Variants in TSLP observed in about 807,000 individuals in gnomAD.
The protein encoded by TSLP is thymic stroma-derived lymphopoietin.
In TSLP, 12 loss-of-function variants were observed where a neutral mutation model predicts 12.4. That is an observed-to-expected ratio of 0.97 (90% CI 0.62 to 1.57). The LOEUF is 1.57. TSLP is among the 40% of genes most tolerant of loss of function. TSLP has a pLI of 0.00. For missense variants in TSLP, 222 were observed against 189.6 expected, an observed-to-expected ratio of 1.17 and a Z score of -1.00; for synonymous variants, 97 against 69.5, an observed-to-expected ratio of 1.40 and a Z score of -1.97.
chr5:111,075,485 T>G (rs936958904), intron 3 of TSLP, among the ~76,000 whole-genome samples: 1 of 152,230 alleles, frequency 6.6e-6, no homozygotes, highest in Non-Finnish European at 1.5e-5. Context: ...AAGATAGCTC[T>G]TGCCCATGAG....
At chr5:111,071,040 C>T (rs952990529), upstream of TSLP, 15 of 161,020 alleles carry the variant, frequency 9.3e-5, no homozygotes, top group Non-Finnish European at 1.4e-4. Context: ...TAAGGTGCCC[C>T]TAGCCACCAA....
chr5:111,075,223 TTTTTAAG>T (rs1752466271), intron 3 of TSLP, among the ~76,000 whole-genome samples: 1 of 152,222 alleles, frequency 6.6e-6, no homozygotes, highest in Non-Finnish European at 1.5e-5. Context: ...TTTGCAGGTT[TTTTTAAG>T]ATTTGTGCTT....
chr5:111,071,530 C>A, upstream of TSLP: 1 of 1,547,696 alleles, frequency 6.5e-7, no homozygotes, highest in Non-Finnish European at 8.7e-7. Flanking sequence ...GAGGGAAATT[C>A]CTGATGACTT....
rs1458137142 is a variant in TSLP at position 111,076,383 on chromosome 5, C to T, written c.*309C>T. The T allele has an allele frequency of 3.8e-6, 1 of 264,156 alleles. No individual in the cohort carries two copies. Among genetic ancestry groups the T allele is most frequent in the East Asian group, 1.1e-4 (1 of 9,334 alleles). The allele number at this position is 264,156 out of a possible 1,614,324, so 16.4% of individuals were successfully genotyped here. A position where few individuals can be genotyped will look rare whatever the true frequency, so the allele number is the denominator to read the frequency against. ...AAAAGTGCAGCAGGAGAACTCTTTT[C>T]CCTGAAAAAGGAAAAATATTGAACT... On this transcript the variant is annotated 3_prime_UTR_variant, in exon 4 of 4. Coordinates refer to ENST00000344895, the MANE Select transcript of TSLP (RefSeq NM_033035.5).
At chr5:111,070,457 G>C (rs1012048797), upstream of TSLP, 1 of 152,762 alleles carries the variant, frequency 6.5e-6, no homozygotes, top group East Asian at 1.9e-4. Flanking sequence ...GGAAGGGAAA[G>C]AGAGAGAGAG....
At chr5:111,074,193 C>T (rs1456846461) in intron 3 of TSLP, among the ~76,000 whole-genome samples, 4 of 152,132 alleles carry the variant, frequency 2.6e-5, no homozygotes, top group Non-Finnish European at 5.9e-5. Context: ...CACATTTTTG[C>T]ACATGTAGTT....
chr5:111,073,024 G>A (rs997311366), intron 2 of TSLP, 92 bp downstream of exon 2: 7 of 1,484,904 alleles, frequency 4.7e-6, no homozygotes, highest in Non-Finnish European at 6.5e-6. Context: ...AACTCCGAGA[G>A]GTGCCTGGGC....
At position 111,073,607 on chromosome 5, in the gene TSLP, G is replaced by T; in HGVS notation, c.313G>T (p.Ala105Ser). The T allele has an allele frequency of 6.2e-7, 1 of 1,614,220 alleles. No homozygotes were observed. Among genetic ancestry groups the T allele is most frequent in the South Asian group, 1.1e-5 (1 of 91,086 alleles). The change falls in exon 3 of 4, where the codon GCC becomes TCC. Residue 105 changes from alanine to serine, a missense_variant. Physicochemically the swap from Ala to Ser is moderately conservative, Grantham distance 99 (BLOSUM62 1). Transcript: ENST00000344895. Reference protein sequence around the residue: ...KEMFAMKTKAALAIWCPGYSE... With the variant: ...KEMFAMKTKASLAIWCPGYSE... ...AATGTTCGCCATGAAAACTAAGGCT[G>T]CCTTAGCTATCTGGTGCCCAGGCTA...
intron 3 of TSLP, among the ~76,000 whole-genome samples, chr5:111,074,843 T>G (rs957012418): frequency 3.3e-5 from 5 of 151,908 alleles, no homozygotes; most frequent in African/African-American, 1.2e-4. Context: ...TGGTCTCGAA[T>G]TCCTGACCTT....
chr5:111,071,750 A>G lies in TSLP; in HGVS notation c.-141A>G. 1 of 1,253,260 alleles carries G rather than the reference A, an allele frequency of 8.0e-7. No homozygotes were observed. The highest frequency in any genetic ancestry group is 1.1e-6 in the Non-Finnish European group (1 of 898,170). 77.6% of individuals were successfully genotyped at this position (1,253,260 alleles called of 1,614,324 possible). ...CCAACTTAAGGCAACAGCATGGGTG[A>G]ATAAGGGCTTCCTGTGGACTGGCAA... On this transcript the variant is annotated 5_prime_UTR_variant, in exon 1 of 4. Transcript: ENST00000344895.
At chr5:111,070,767 CAG>C (rs1480930653), upstream of TSLP, 1 of 152,334 alleles carries the variant, frequency 6.6e-6, no homozygotes, top group East Asian at 1.9e-4. Flanking sequence ...CCCCAGGTGA[CAG>C]ACGTTTTCCA....
At position 111,072,060 on chromosome 5, in the gene TSLP, G is replaced by C; in HGVS notation, c.170G>C (p.Gly57Ala). The C allele has an allele frequency of 6.2e-7, 1 of 1,604,436 alleles. No homozygotes were observed. Among genetic ancestry groups the C allele is most frequent in the Non-Finnish European group, 8.5e-7 (1 of 1,173,226 alleles). The stretch of plus-strand genomic sequence containing the variant: ...AAAGACCTGATTACATATATGAGTG[G>C]GGTAAGTGAAGAAGCTTTTTTAAAA... Reference protein sequence around the residue: ...ISKDLITYMSGTKSTEFNNTV... With the variant: ...ISKDLITYMSATKSTEFNNTV... The change falls in exon 1 of 4, where the codon GGG (glycine) becomes GCG (alanine). Residue 57 changes from glycine (G) to alanine (A), a missense_variant and splice_region_variant. Physicochemically the swap from Gly to Ala is moderately conservative, Grantham distance 60 (BLOSUM62 0). Transcript: ENST00000344895.
At chr5:111,071,136 A>C, upstream of TSLP, 1 of 263,398 alleles carries the variant, frequency 3.8e-6, no homozygotes, top group Non-Finnish European at 7.1e-6. Flanking sequence ...TTCCCCACTT[A>C]TTTCAACCTC....
In TSLP at chr5:111,076,446, A is replaced by T. The variant is rs977531857; in HGVS notation, c.*372A>T. Reference sequence around the variant, plus strand: ...CTAAACTTACATTTAAAAGACAGACATTCCTTCTACATGTAATGACACTTC... The same window carrying T: ...CTAAACTTACATTTAAAAGACAGACTTTCCTTCTACATGTAATGACACTTC... On this transcript the variant is annotated 3_prime_UTR_variant, in exon 4 of 4. Coordinates refer to ENST00000344895, the MANE Select transcript of TSLP (RefSeq NM_033035.5). 2 of 178,308 alleles carry T rather than the reference A, an allele frequency of 1.1e-5. No homozygotes were observed. Among genetic ancestry groups the T allele is most frequent in the African/African-American group, 4.8e-5 (2 of 41,790 alleles). The allele number at this position is 178,308 out of a possible 1,614,324, so 11.0% of individuals were successfully genotyped here.
Position 111,077,762 on chromosome 5 carries a change from T to C in TSLP, c.*1688T>C, listed in dbSNP as rs1053204966. 1 of 152,618 alleles carries C rather than the reference T, an allele frequency of 6.6e-6. No homozygotes were observed. The highest frequency in any genetic ancestry group is 2.4e-5 in the African/African-American group (1 of 41,458). 9.5% of individuals were successfully genotyped at this position (152,618 alleles called of 1,614,324 possible). ...AATCTTCTGCTTTATCTTTAAAAATTTGTATAATTTATATATTTTATTCTA... is the reference window on the plus strand; with the variant it reads ...AATCTTCTGCTTTATCTTTAAAAATCTGTATAATTTATATATTTTATTCTA... On this transcript the variant is annotated 3_prime_UTR_variant, in exon 4 of 4. Transcript: ENST00000344895.
At chr5:111,075,796 T>G (rs1323292977) in intron 3 of TSLP, 150 bp from the exon 4 acceptor site, 33 of 770,914 alleles carry the variant, frequency 4.3e-5, no homozygotes, top group African/African-American at 1.8e-5. Flanking sequence ...GGCATTCCCC[T>G]GGAAAAGGCA....
upstream of TSLP, chr5:111,071,044 C>T (rs3806933): frequency 0.41 from 65,197 of 160,814 alleles, 14,022 homozygotes; most frequent in South Asian, 0.66. Context: ...GTGCCCCTAG[C>T]CACCAAGAGT....
rs1752505610 is a variant in TSLP, at chr5:111,076,289, A to G, written c.*215A>G. 3.7e-6 allele frequency: 2 copies of G among 539,306 alleles called. No homozygotes were observed. The highest frequency in any genetic ancestry group is 4.8e-5 in the South Asian group (2 of 41,674). 33.4% of individuals were successfully genotyped at this position (539,306 alleles called of 1,614,324 possible). The stretch of plus-strand genomic sequence containing the variant: ...AAATGTTGAGGGAAGCTTCCATAAC[A>G]TTGATGACTGGCTTCATGGCAGTAA... On this transcript the variant is annotated 3_prime_UTR_variant, in exon 4 of 4. Coordinates refer to ENST00000344895, the MANE Select transcript of TSLP (RefSeq NM_033035.5).
Position 111,076,833 on chromosome 5 carries a change from G to T in TSLP, c.*759G>T, listed in dbSNP as rs1752520528. 1 of 152,000 alleles carries T rather than the reference G, an allele frequency of 6.6e-6. No homozygotes were observed. The highest frequency in any genetic ancestry group is 2.1e-4 in the South Asian group (1 of 4,810). 9.4% of individuals were successfully genotyped at this position (152,000 alleles called of 1,614,324 possible). A position where few individuals can be genotyped will look rare whatever the true frequency, so the allele number is the denominator to read the frequency against. ...TCTCTCAAATCTAGTTAGACAATTT[G>T]CACACATACTTTTCTAAGGGACATT... On this transcript the variant is annotated 3_prime_UTR_variant, in exon 4 of 4. Coordinates refer to ENST00000344895, the MANE Select transcript of TSLP (RefSeq NM_033035.5).
Sources: allele counts gnomAD v4.1 joint callset (sites outside exome capture counted in the v4.1 genomes callset), GRCh38; gene constraint gnomAD v4.1.1; transcripts MANE v1.5; gene names NCBI Gene and HGNC (gene_info 2026-07-23, HGNC 2026-07-21).